WDR25: variants seen among roughly 807,000 people sequenced by gnomAD.
The protein encoded by WDR25 is WD repeat-containing protein 25.
WDR25 carries 35 observed loss-of-function variants against 47.7 expected under a neutral mutation model. That is an observed-to-expected ratio of 0.73 (90% confidence interval 0.56 to 0.97). WDR25 has a LOEUF of 0.97. Ranked by LOEUF, WDR25 falls within the 50% of genes least tolerant of loss-of-function variation. The probability of loss-of-function intolerance (pLI) is 0.00; values close to 1 mark genes in which losing one functional copy is unlikely to be tolerated. For synonymous variants in WDR25, 248 were observed against 278.9 expected, an observed-to-expected ratio of 0.89 and a Z score of 1.10; for missense variants, 634 against 704.7, an observed-to-expected ratio of 0.90 and a Z score of 1.14.
chr14:100,454,815 TCTAAGCAGCTCAA>T (rs796970282), intron 2 of WDR25: 30 of 215,682 alleles, frequency 1.4e-4, no homozygotes, highest in African/African-American at 5.7e-4. Flanking sequence ...GAATGCAGAC[TCTAAGCAGCTCAA>T]CTAAGGCAAA....
intron 2 of WDR25, among the ~76,000 whole-genome samples, chr14:100,396,304 A>G (rs1190128071): frequency 6.6e-6 from 1 of 152,184 alleles, no homozygotes; most frequent in Non-Finnish European, 1.5e-5. Flanking sequence ...CTGTCAGGTA[A>G]TGGTCATGGG....
Position 100,468,089 on chromosome 14 carries a change from C to T in WDR25, c.891C>T (p.Ala297=), listed in dbSNP as rs202134560. The stretch of plus-strand genomic sequence containing the variant: ...CCCTGCACACAGAGGCAGTGCGGGC[C>T]GCCCGGTGGGCTCCCTGTGGCCGGC... ...TYSLHTEAVR[A]ARWAPCGRRI... The change falls in exon 3 of 7, where the codon GCC becomes GCT. Residue 297 remains alanine (A), a synonymous_variant. Transcript: ENST00000402312. The surrounding 1 kb of genome is among the most constrained non-coding windows in gnomAD (Gnocchi z 4.5). 56 of 1,613,408 alleles carry T rather than the reference C, an allele frequency of 3.5e-5. No homozygotes were observed. Among genetic ancestry groups the T allele is most frequent in the Middle Eastern group, 1.6e-4 (1 of 6,074 alleles).
At chr14:100,454,480 A>G in intron 2 of WDR25, 1 of 1,269,450 alleles carries the variant, frequency 7.9e-7, no homozygotes, top group South Asian at 1.2e-5. Flanking sequence ...TAGTTCTGGC[A>G]GACTAACCCT....
chr14:100,510,573 TA>T (rs1901274977), intron 4 of WDR25, among the ~76,000 whole-genome samples: 1 of 151,574 alleles, frequency 6.6e-6, no homozygotes, highest in African/African-American at 2.4e-5. Context: ...CCGTCTCTAC[TA>T]AAAATACAAA....
chr14:100,510,040 G>A (rs1453012554), intron 4 of WDR25, among the ~76,000 whole-genome samples: 1 of 151,992 alleles, frequency 6.6e-6, no homozygotes, highest in Admixed American at 6.6e-5. Context: ...GGAGGCTGAG[G>A]TGGGTGGATC....
At chr14:100,528,242 T>C (rs747656837) in intron 5 of WDR25, among the ~76,000 whole-genome samples, 3 of 152,170 alleles carry the variant, frequency 2.0e-5, no homozygotes, top group Non-Finnish European at 4.4e-5. Context: ...ATGATTGGGC[T>C]GAAATCAAGA....
chr14:100,500,327 C>T lies in WDR25; in HGVS notation c.1101+16203C>T, dbSNP rs1038318710. The stretch of plus-strand genomic sequence containing the variant: ...GGAAGGCCCTGCCCTAATTCAGTGG[C>T]CTAGAGGCAGGCCAGCTCGTCTCTT... On this transcript the variant is annotated intron_variant, in intron 4 of 6. Transcript: ENST00000402312. This position sits in a 1 kb window ranked among gnomAD's most constrained non-coding sequence, Gnocchi z 4.7. Among the ~76,000 whole-genome samples the T allele has an allele frequency of 1.3e-5, 2 of 152,154 alleles. No homozygotes were observed. Among genetic ancestry groups the T allele is most frequent in the African/African-American group, 4.8e-5 (2 of 41,420 alleles).
chr14:100,378,176 T>A (rs1246369481), intron 1 of WDR25, among the ~76,000 whole-genome samples: 1 of 69,252 alleles, frequency 1.4e-5, no homozygotes, highest in Non-Finnish European at 5.5e-5. Flanking sequence ...AGAAAGATTT[T>A]TTTTTTTTTT....
intron 2 of WDR25, among the ~76,000 whole-genome samples, chr14:100,401,778 C>G (rs1897389236): frequency 6.6e-6 from 1 of 152,228 alleles, no homozygotes; most frequent in African/African-American, 2.4e-5. Flanking sequence ...GAACTTGCAC[C>G]TGGCTTCTCT....
intron 2 of WDR25, among the ~76,000 whole-genome samples, chr14:100,386,742 A>T (rs1215034395): frequency 6.6e-6 from 1 of 151,736 alleles, no homozygotes; most frequent in African/African-American, 2.4e-5. Flanking sequence ...AAATACAAAA[A>T]ATTAGCCGGG....
intron 2 of WDR25, among the ~76,000 whole-genome samples, chr14:100,451,458 G>A (rs572074376): frequency 6.6e-6 from 1 of 152,114 alleles, no homozygotes; most frequent in Admixed American, 6.5e-5. Flanking sequence ...GGGCTCAAAC[G>A]ATCTGCCCGC....
At chr14:100,427,264 G>A (rs1037595826) in intron 2 of WDR25, among the ~76,000 whole-genome samples, 1 of 151,874 alleles carries the variant, frequency 6.6e-6, no homozygotes. Flanking sequence ...CTTTTCCCAC[G>A]AAGCCCTCCA....
At chr14:100,455,525 A>G (rs1899173332) in intron 2 of WDR25, 1 of 151,840 alleles carries the variant, frequency 6.6e-6, no homozygotes, top group Admixed American at 6.6e-5. Flanking sequence ...ATATTTGGTG[A>G]GTTTCTTTTT....
intron 1 of WDR25, among the ~76,000 whole-genome samples, chr14:100,379,212 CATCTAGCAAACAT>C (rs1253178994): frequency 7.2e-5 from 11 of 152,144 alleles, no homozygotes; most frequent in Non-Finnish European, 1.3e-4. Flanking sequence ...TGGATTTATA[CATCTAGCAAACAT>C]ATGCTAGTAT....
chr14:100,496,187 T>G lies in WDR25; in HGVS notation c.1101+12063T>G, dbSNP rs147414010. Among the ~76,000 whole-genome samples, 85 of 152,368 alleles carry G rather than the reference T, an allele frequency of 5.6e-4. 1 individual carries two copies. Among genetic ancestry groups the G allele is most frequent in the African/African-American group, 1.9e-3 (79 of 41,590 alleles). ...GGTCTCGTTTGATCTCTTTGAGGTT[T>G]GATATAGAACTATTCAGATTGTATA... On this transcript the variant is annotated intron_variant, in intron 4 of 6. Coordinates refer to ENST00000402312, the MANE Select transcript of WDR25 (RefSeq NM_001161476.3).
intron 2 of WDR25, among the ~76,000 whole-genome samples, chr14:100,467,225 C>G (rs1899661623): frequency 6.6e-6 from 1 of 152,174 alleles, no homozygotes; most frequent in Admixed American, 6.5e-5. Context: ...TGTCTTACAG[C>G]AGAACCCATG....
chr14:100,529,770 C>A lies in WDR25; in HGVS notation c.1414-50C>A, dbSNP rs749225158. ...CTCCTCTGTAGAATGGGCATACTCA[C>A]CCCGGCTTGACAGGTGCGGCTTGCT... On this transcript the variant is annotated intron_variant, in intron 6 of 6. Transcript: ENST00000402312. This position sits in a 1 kb window ranked among gnomAD's most constrained non-coding sequence, Gnocchi z 5.1. 1.3e-6 allele frequency: 2 copies of A among 1,578,886 alleles called. No individual in the cohort carries two copies. The highest frequency in any genetic ancestry group is 2.3e-5 in the East Asian group (1 of 44,292).
intron 4 of WDR25, among the ~76,000 whole-genome samples, chr14:100,511,513 G>A: frequency 6.6e-6 from 1 of 152,006 alleles, no homozygotes; most frequent in Non-Finnish European, 1.5e-5. Context: ...GACACTATCT[G>A]TCTATCTCTA....
intron 5 of WDR25, among the ~76,000 whole-genome samples, chr14:100,528,718 G>A (rs1159747685): frequency 2.6e-5 from 4 of 152,136 alleles, no homozygotes; most frequent in African/African-American, 9.7e-5. Flanking sequence ...TTAGAACATG[G>A]GTATATTTTG....
Sources: gnomAD v4.1 joint callset for allele counts (sites outside exome capture counted in the v4.1 genomes callset) on GRCh38, gnomAD v4.1.1 for gene constraint, Gnocchi (gnomAD v3.1) non-coding constraint, MANE v1.5 for transcripts, NCBI Gene and HGNC (gene_info 2026-07-23, HGNC 2026-07-21) for gene names.